The following LAMB1 variants were observed in gnomAD, a reference collection of about 807,000 sequenced individuals.
The protein encoded by LAMB1 is laminin subunit beta-1.
In LAMB1, 121 loss-of-function variants were observed where a neutral mutation model predicts 222.3. The ratio of observed to expected loss-of-function variants is 0.54; its 90% CI spans 0.47 to 0.63. LAMB1 has a LOEUF of 0.63. Ranked by LOEUF, LAMB1 falls within the 30% of genes least tolerant of loss-of-function variation. The probability of loss-of-function intolerance (pLI) is 0.00; values close to 1 mark genes in which losing one functional copy is unlikely to be tolerated. For missense variants in LAMB1, 2,172 were observed against 2,240.8 expected (o/e 0.97, Z 0.62); for synonymous variants, 794 against 807.2 (o/e 0.98, Z 0.28).
chr7:107,965,487 G>A (rs1034186183), intron 13 of LAMB1, among the ~76,000 whole-genome samples: 6 of 152,294 alleles, frequency 3.9e-5, no homozygotes, highest in East Asian at 3.9e-4. Context: ...GCTGAGGCAC[G>A]AGAATCGCTT....
Position 107,959,770 on chromosome 7 carries a change from C to G in LAMB1, c.2379G>C (p.Gln793His), listed in dbSNP as rs770050352. Residue 793 changes from glutamine (Q) to histidine (H), a missense_variant, in exon 19 of 34, where the codon CAG becomes CAC. By Grantham distance (24) the Gln-to-His change is conservative (BLOSUM62 0). Transcript: ENST00000222399. ...TTCTTCCAACCACGTTGGGCCGGCA[C>G]TGGCACTGGCCTCCGTTGGGATCAC... ...SVCDPNGGQCQCRPNVVGRTC... is the reference protein window; with the variant it reads ...SVCDPNGGQCHCRPNVVGRTC... 6.2e-6 allele frequency: 10 copies of G among 1,614,044 alleles called. No individual in the cohort carries two copies. The highest frequency in any genetic ancestry group is 7.6e-6 in the Non-Finnish European group (9 of 1,180,018).
intron 7 of LAMB1, among the ~76,000 whole-genome samples, chr7:107,981,403 G>A (rs1373181176): frequency 6.6e-6 from 1 of 151,054 alleles, no homozygotes; most frequent in Non-Finnish European, 1.5e-5. Context: ...AGCCGAGATT[G>A]TGCCATTGCA....
At chr7:107,958,077 C>G (rs1181901450) in intron 20 of LAMB1, among the ~76,000 whole-genome samples, 3 of 152,216 alleles carry the variant, frequency 2.0e-5, no homozygotes, top group African/African-American at 7.2e-5. Flanking sequence ...CCCCTCCTCT[C>G]TCTGCTCCCT....
Position 108,002,960 on chromosome 7 carries a change from C to G in LAMB1, c.-75G>C, listed in dbSNP as rs1375295291. The G allele has an allele frequency of 8.7e-6, 14 of 1,607,320 alleles. No homozygotes were observed. The highest frequency in any genetic ancestry group is 1.2e-5 in the Non-Finnish European group (14 of 1,178,282). On this transcript the variant is annotated 5_prime_UTR_variant, in exon 2 of 34. Transcript: ENST00000222399. ...CCGCCGAGCCGCCTGCCCTTTCTTC[C>G]CGTCTTCCTTTCTGGAGAGGTGGAA...
intron 18 of LAMB1, 36 bp downstream of exon 18, chr7:107,960,409 A>C (rs1398218906): frequency 1.9e-6 from 3 of 1,543,896 alleles, no homozygotes; most frequent in South Asian, 1.1e-5. Context: ...TCAGAGCCAG[A>C]AACAGCAGCT....
intron 7 of LAMB1, among the ~76,000 whole-genome samples, chr7:107,983,024 C>A (rs894869443): frequency 6.6e-6 from 1 of 152,174 alleles, no homozygotes; most frequent in South Asian, 2.1e-4. Flanking sequence ...TGTCCCAGAG[C>A]CCTTGTGGAC....
At chr7:107,969,506 C>T (rs1216516617) in intron 13 of LAMB1, among the ~76,000 whole-genome samples, 2 of 152,180 alleles carry the variant, frequency 1.3e-5, no homozygotes, top group Non-Finnish European at 2.9e-5. Flanking sequence ...TTCCTCCCCA[C>T]CCCCAACTAG....
chr7:107,974,338 C>T (rs964000232), intron 12 of LAMB1, among the ~76,000 whole-genome samples: 4 of 150,724 alleles, frequency 2.7e-5, no homozygotes, highest in African/African-American at 9.9e-5. Context: ...AATCAAGATA[C>T]TATTCATATC....
intron 4 of LAMB1, among the ~76,000 whole-genome samples, chr7:107,997,617 A>G (rs529154729): frequency 3.0e-4 from 45 of 152,234 alleles, no homozygotes; most frequent in African/African-American, 9.6e-4. Context: ...ATACTTATTT[A>G]TTTATTTATT....
intron 8 of LAMB1, among the ~76,000 whole-genome samples, chr7:107,979,474 C>A (rs1158373742): frequency 3.9e-5 from 6 of 152,170 alleles, no homozygotes; most frequent in Non-Finnish European, 8.8e-5. Flanking sequence ...ACCTGCTGCT[C>A]ATTTACTTAG....
intron 24 of LAMB1, among the ~76,000 whole-genome samples, chr7:107,941,707 T>G (rs2032985265): frequency 6.7e-6 from 1 of 150,096 alleles, no homozygotes; most frequent in African/African-American, 2.5e-5. Flanking sequence ...CAGGCTGGAG[T>G]ACAATGGCGC....
rs112971168 is a variant in LAMB1, at chr7:107,998,632, A to T, written c.214-140T>A. ...AATAATTGTGTGAAAATTGCTTAGG[A>T]GATTTGTATCACATCTTTCACTTTT... On this transcript the variant is annotated intron_variant, in intron 3 of 33. Transcript: ENST00000222399. 4,142 of 661,018 alleles carry T rather than the reference A, an allele frequency of 6.3e-3. 80 individuals are homozygous for T. Among genetic ancestry groups the T allele is most frequent in the East Asian group, 0.035 (1,245 of 35,818 alleles). The allele number at this position is 661,018 out of a possible 1,614,324, so 40.9% of individuals were successfully genotyped here. A position where few individuals can be genotyped will look rare whatever the true frequency, so the allele number is the denominator to read the frequency against.
intron 20 of LAMB1, among the ~76,000 whole-genome samples, 165 bp downstream of exon 20, chr7:107,959,084 C>A (rs1003757884): frequency 2.0e-5 from 3 of 152,178 alleles, no homozygotes; most frequent in Non-Finnish European, 2.9e-5. Flanking sequence ...AGGATGTCAA[C>A]TCAATATGTA....
At position 107,926,203 on chromosome 7, in the gene LAMB1, T is replaced by G. The variant is rs764625842; in HGVS notation, c.5044A>C (p.Ser1682Arg). The G allele has an allele frequency of 6.2e-7, 1 of 1,613,710 alleles. No homozygotes were observed. The highest frequency in any genetic ancestry group is 1.1e-5 in the South Asian group (1 of 91,038). Reference sequence around the variant, plus strand: ...CGTACCTTCTTAACATCTTCTGCACTTTGCTTCACAGTATATACTACTTTT... The same window carrying G: ...CGTACCTTCTTAACATCTTCTGCACGTTGCTTCACAGTATATACTACTTTT... ...IEKVVYTVKQ[S>R]AEDVKKTLDG... The change falls in exon 32 of 34, where the codon AGT becomes CGT. Residue 1682 changes from serine to arginine, a missense_variant. Physicochemically the swap from Ser to Arg is moderately radical, Grantham distance 110. Coordinates refer to ENST00000222399, the MANE Select transcript of LAMB1 (RefSeq NM_002291.3).
chr7:107,947,541 C>G (rs1282400409), intron 24 of LAMB1, among the ~76,000 whole-genome samples: 1 of 152,302 alleles, frequency 6.6e-6, no homozygotes, highest in East Asian at 1.9e-4. Context: ...ACAAACATAA[C>G]CAAGAGCCTT....
At chr7:107,944,354 C>T (rs1263029808) in intron 24 of LAMB1, among the ~76,000 whole-genome samples, 1 of 152,054 alleles carries the variant, frequency 6.6e-6, no homozygotes, top group Non-Finnish European at 1.5e-5. Context: ...TTTATCTGGC[C>T]GAGGGAAATT....
Position 107,959,266 on chromosome 7 carries a change from C to T in LAMB1, c.2673G>A (p.Met891Ile), listed in dbSNP as rs766572459. The T allele has an allele frequency of 1.2e-6, 2 of 1,613,822 alleles. No homozygotes were observed. Among genetic ancestry groups the T allele is most frequent in the South Asian group, 2.2e-5 (2 of 91,062 alleles). ...CTGCATACCTTTCACAGTTATGACCCATGGTGTAGTCCTGGCAGTTCAAGC... is the reference window on the plus strand; with the variant it reads ...CTGCATACCTTTCACAGTTATGACCTATGGTGTAGTCCTGGCAGTTCAAGC... The part of the protein sequence containing the change: ...GECLNCQDYT[M>I]GHNCERCLAG... Residue 891 changes from methionine to isoleucine, a missense_variant, in exon 20 of 34, where the codon ATG becomes ATA. By Grantham distance (10) the Met-to-Ile change is conservative (BLOSUM62 1). Coordinates refer to ENST00000222399, the MANE Select transcript of LAMB1 (RefSeq NM_002291.3).
chr7:108,001,664 T>C lies in LAMB1; in HGVS notation c.107A>G (p.Tyr36Cys). The change falls in exon 3 of 34, where the codon TAT becomes TGT. Residue 36 changes from tyrosine (Y) to cysteine (C), a missense_variant. Tyr to Cys is a radical substitution (Grantham distance 194). Transcript: ENST00000222399. ...FSYGCAEGSC[Y>C]PATGDLLIGR... ...GATGAGAAGGTCGCCCGTGGCGGGA[T>C]AGCAGCTGCCTTCTGCGCAGCCGTA... 2 of 1,612,534 alleles carry C rather than the reference T, an allele frequency of 1.2e-6. No homozygotes were observed. The highest frequency in any genetic ancestry group is 8.5e-7 in the Non-Finnish European group (1 of 1,179,756).
At chr7:107,996,669 T>C (rs2034286969) in intron 4 of LAMB1, among the ~76,000 whole-genome samples, 3 of 152,188 alleles carry the variant, frequency 2.0e-5, no homozygotes, top group Admixed American at 2.0e-4. Flanking sequence ...GAAAATCTCT[T>C]CTTTCTGGCA....
Sources: gnomAD v4.1 joint callset for allele counts (sites outside exome capture counted in the v4.1 genomes callset) on GRCh38, gnomAD v4.1.1 for gene constraint, MANE v1.5 for transcripts, NCBI Gene and HGNC (gene_info 2026-07-23, HGNC 2026-07-21) for gene names.